The following ASCC3 variants were observed in gnomAD, a reference collection of about 807,000 sequenced individuals.
ASCC3 encodes activating signal cointegrator 1 complex subunit 3.
In ASCC3, 158 loss-of-function variants were observed where a neutral mutation model predicts 256.3. That is an observed-to-expected ratio of 0.62 (90% confidence interval 0.54 to 0.70). The LOEUF is 0.70. Ranked by LOEUF, ASCC3 falls within the 30% of genes least tolerant of loss-of-function variation. The pLI is 0.00. For synonymous variants in ASCC3, 948 were observed against 883.4 expected (o/e 1.07, Z -1.30); for missense variants, 2,259 against 2,626.0 (o/e 0.86, Z 3.05).
At chr6:100,762,364 T>C (rs1781460412) in intron 10 of ASCC3, among the ~76,000 whole-genome samples, 1 of 152,220 alleles carries the variant, frequency 6.6e-6, no homozygotes, top group African/African-American at 2.4e-5. Flanking sequence ...TTTTCACTGA[T>C]GTTCAAAGGA....
chr6:100,829,448 G>C lies in ASCC3; in HGVS notation c.801+18700C>G, dbSNP rs557148934. ...TGGCCCAGGTGCTAAGCCCCTCATT[G>C]CCCAGGGCTGGCGGGGCTCGCCAGC... is the stretch of plus-strand genomic sequence containing the variant. On this transcript the variant is annotated intron_variant, in intron 4 of 41. Coordinates refer to ENST00000369162, the MANE Select transcript of ASCC3 (RefSeq NM_006828.4). 1.1e-4 allele frequency among the ~76,000 whole-genome samples: 16 copies of C among 152,186 alleles called. No individual in the cohort carries two copies. The East Asian group carries it at 2.9e-3, about 28-fold the overall frequency.
At chr6:100,682,716 T>A (rs1412302964) in intron 13 of ASCC3, among the ~76,000 whole-genome samples, 2 of 152,182 alleles carry the variant, frequency 1.3e-5, no homozygotes, top group African/African-American at 4.8e-5. Flanking sequence ...GGGAGAAAAA[T>A]CCTCTGATAA....
chr6:100,778,091 T>C (rs1052907800), intron 8 of ASCC3, among the ~76,000 whole-genome samples: 6 of 77,716 alleles, frequency 7.7e-5, no homozygotes, highest in Non-Finnish European at 1.1e-4. Context: ...ATGACTTAAA[T>C]GTAAGATGGT....
At chr6:100,534,273 C>G (rs964811620) in intron 37 of ASCC3, among the ~76,000 whole-genome samples, 4 of 152,082 alleles carry the variant, frequency 2.6e-5, no homozygotes, top group Admixed American at 6.6e-5. Context: ...AAAATCAAAA[C>G]CAACCAAACA....
chr6:100,798,774 T>C lies in ASCC3; in HGVS notation c.1334A>G (p.Tyr445Cys). The C allele has an allele frequency of 1.2e-6, 2 of 1,613,152 alleles. No homozygotes were observed. Among genetic ancestry groups the C allele is most frequent in the Non-Finnish European group, 1.7e-6 (2 of 1,179,538 alleles). ...NKLYEEVRIP[Y>C]SEPMPLSFEE... Reference sequence around the variant, plus strand: ...AAAGCTGAGTGGCATTGGTTCGCTGTAGGGAATCCTTACTTCTTCATAAAG... The same window carrying C: ...AAAGCTGAGTGGCATTGGTTCGCTGCAGGGAATCCTTACTTCTTCATAAAG... The change falls in exon 8 of 42, where the codon TAC (tyrosine) becomes TGC (cysteine). Residue 445 changes from tyrosine to cysteine, a missense_variant. This residue lies in a region of ASCC3 where 1,839 missense variants were observed against 2,206.7 expected (regional missense o/e 0.83). Transcript: ENST00000369162.
chr6:100,646,509 T>C (rs1775386365), intron 22 of ASCC3, 106 bp downstream of exon 22: 2 of 1,201,542 alleles, frequency 1.7e-6, no homozygotes, highest in East Asian at 2.6e-5. Context: ...ATCCTCAATA[T>C]ATATTCTTTT....
At chr6:100,758,960 T>C (rs1781311076) in intron 10 of ASCC3, among the ~76,000 whole-genome samples, 1 of 152,224 alleles carries the variant, frequency 6.6e-6, no homozygotes, top group Admixed American at 6.5e-5. Context: ...GGTCTCTCAC[T>C]GTGGTTTTGA....
intron 4 of ASCC3, among the ~76,000 whole-genome samples, chr6:100,815,498 T>C (rs879167356): frequency 1.3e-5 from 2 of 151,918 alleles, no homozygotes; most frequent in Non-Finnish European, 2.9e-5. Context: ...GAAGATATCA[T>C]GTTACCTGAC....
intron 24 of ASCC3, among the ~76,000 whole-genome samples, chr6:100,641,283 C>G (rs997848990): frequency 6.6e-6 from 1 of 152,124 alleles, no homozygotes; most frequent in African/African-American, 2.4e-5. Flanking sequence ...TTACCACGTA[C>G]CCCTTTATAA....
rs181224975 is a variant in ASCC3, at chr6:100,533,163, G to A, written c.5775+7000C>T. ...TGTTTTCTTCAAAAGTCTGATATTCGTTTGTGGCCTAGTGCCTTGGATTTT... is the reference window on the plus strand; with the variant it reads ...TGTTTTCTTCAAAAGTCTGATATTCATTTGTGGCCTAGTGCCTTGGATTTT... On this transcript the variant is annotated intron_variant, in intron 37 of 41. Coordinates refer to ENST00000369162, the MANE Select transcript of ASCC3 (RefSeq NM_006828.4). Among the ~76,000 whole-genome samples the A allele has an allele frequency of 1.7e-3, 262 of 151,508 alleles. 1 individual carries two copies. Among genetic ancestry groups the A allele is most frequent in the African/African-American group, 5.5e-3 (229 of 41,348 alleles).
chr6:100,597,247 C>A (rs6903429), intron 34 of ASCC3, among the ~76,000 whole-genome samples: 1 of 152,002 alleles, frequency 6.6e-6, no homozygotes, highest in Admixed American at 6.6e-5. Flanking sequence ...TAAAATCTAC[C>A]GTCTCTGCTA....
intron 4 of ASCC3, among the ~76,000 whole-genome samples, chr6:100,824,664 T>C (rs1030500509): frequency 1.3e-5 from 2 of 152,106 alleles, no homozygotes; most frequent in African/African-American, 2.4e-5. Context: ...CAGTGATATA[T>C]AAACTAGAAG....
At position 100,625,345 on chromosome 6, in the gene ASCC3, G is replaced by C; in HGVS notation, c.4643-11C>G. The C allele has an allele frequency of 6.2e-7, 1 of 1,611,778 alleles. No individual in the cohort carries two copies. The highest frequency in any genetic ancestry group is 8.5e-7 in the Non-Finnish European group (1 of 1,178,336). ...AATGGCTTCTAATTGCTGTTGAAAA[G>C]TTGTGGGAAATAAAATGGAAAGATA... On this transcript the variant is annotated splice_polypyrimidine_tract_variant and intron_variant, in intron 29 of 41. Coordinates refer to ENST00000369162, the MANE Select transcript of ASCC3 (RefSeq NM_006828.4).
In ASCC3 at chr6:100,585,761, A is replaced by G. The variant is rs905905034; in HGVS notation, c.5550+3873T>C. On this transcript the variant is annotated intron_variant, in intron 36 of 41. Coordinates refer to ENST00000369162, the MANE Select transcript of ASCC3 (RefSeq NM_006828.4). The stretch of plus-strand genomic sequence containing the variant: ...GGTGATGTACAGATAGGTTTTTGGT[A>G]TGGATGTCCTTTCTGTTTGTTAGTT... Among the ~76,000 whole-genome samples the G allele has an allele frequency of 1.1e-4, 17 of 152,218 alleles. No individual in the cohort carries two copies. The South Asian group carries it at 2.9e-3, about 26-fold the overall frequency.
chr6:100,840,261 C>A (rs938172378), intron 4 of ASCC3, among the ~76,000 whole-genome samples: 5 of 152,146 alleles, frequency 3.3e-5, no homozygotes, highest in Non-Finnish European at 5.9e-5. Flanking sequence ...CTTTTGTATG[C>A]AAAATTTTTA....
chr6:100,863,775 C>G (rs1235425928), intron 3 of ASCC3, among the ~76,000 whole-genome samples: 1 of 152,020 alleles, frequency 6.6e-6, no homozygotes, highest in South Asian at 2.1e-4. Flanking sequence ...ACCACCACAC[C>G]TAGCTAGTTT....
chr6:100,548,249 C>T lies in ASCC3; in HGVS notation c.5551-7862G>A, dbSNP rs1306652717. On this transcript the variant is annotated intron_variant, in intron 36 of 41. Transcript: ENST00000369162. ...GAAATAAGACTTAACGATGGAACCCCTTAGAGAGTTCATTATTTGGAATGC... is the reference window on the plus strand; with the variant it reads ...GAAATAAGACTTAACGATGGAACCCTTTAGAGAGTTCATTATTTGGAATGC... Among the ~76,000 whole-genome samples, 5 of 151,758 alleles carry T rather than the reference C, an allele frequency of 3.3e-5. 1 individual carries two copies. The highest frequency in any genetic ancestry group is 7.4e-5 in the Non-Finnish European group (5 of 67,802).
intron 33 of ASCC3, among the ~76,000 whole-genome samples, chr6:100,602,991 T>C (rs1430937486): frequency 2.0e-5 from 3 of 152,058 alleles, no homozygotes; most frequent in African/African-American, 7.2e-5. Flanking sequence ...GTCCAGTCAA[T>C]TTTGAGATCA....
intron 1 of ASCC3, among the ~76,000 whole-genome samples, chr6:100,872,751 G>C (rs1368278035): frequency 6.6e-6 from 1 of 152,108 alleles, no homozygotes; most frequent in Non-Finnish European, 1.5e-5. Flanking sequence ...CCCAAAGCCT[G>C]GTAGACCTGC....
Sources: allele counts gnomAD v4.1 joint callset (sites outside exome capture counted in the v4.1 genomes callset), GRCh38; gene constraint gnomAD v4.1.1; regional missense constraint gnomAD v4.1.1; transcripts MANE v1.5; gene names NCBI Gene and HGNC (gene_info 2026-07-23, HGNC 2026-07-21).